Variants in SENP7 observed in about 807,000 individuals in gnomAD.
SENP7 encodes SUMO specific peptidase 7, also known as sentrin-specific protease 7.
SENP7 carries 64 observed loss-of-function variants against 141.2 expected under a neutral mutation model. The ratio of observed to expected loss-of-function variants is 0.45; its 90% confidence interval spans 0.37 to 0.56. The LOEUF (loss-of-function observed/expected upper bound fraction) is 0.56. SENP7 is among the 20% of genes least tolerant of loss of function. The probability of loss-of-function intolerance (pLI) is 0.00; values close to 1 mark genes in which losing one functional copy is unlikely to be tolerated. For synonymous variants in SENP7, 382 were observed against 426.4 expected (o/e 0.90, Z 1.28); for missense variants, 1,025 against 1,212.2 (o/e 0.85, Z 2.29).
intron 6 of SENP7, among the ~76,000 whole-genome samples, chr3:101,398,182 G>A (rs1050139634): frequency 7.9e-5 from 12 of 152,154 alleles, no homozygotes; most frequent in Non-Finnish European, 1.3e-4. Flanking sequence ...GGACAAGGCC[G>A]GGGGCAGTGG....
At chr3:101,409,654 T>C (rs2061399613) in intron 5 of SENP7, among the ~76,000 whole-genome samples, 1 of 152,126 alleles carries the variant, frequency 6.6e-6, no homozygotes, top group African/African-American at 2.4e-5. Context: ...AAGTGGATCT[T>C]TGACAAAGCA....
In SENP7 at chr3:101,381,843, G is replaced by T. The variant is rs77752430; in HGVS notation, c.678-9717C>A. Reference sequence around the variant, plus strand: ...ATAGAAGAGAAATTTTAAGTTAACAGGGGAAAATGATCTCAAAATAGAGTA... The same window carrying T: ...ATAGAAGAGAAATTTTAAGTTAACATGGGAAAATGATCTCAAAATAGAGTA... On this transcript the variant is annotated intron_variant, in intron 6 of 23. Transcript: ENST00000394095. 4.3e-4 allele frequency among the ~76,000 whole-genome samples: 66 copies of T among 152,250 alleles called. No individual in the cohort carries two copies. In the East Asian group the frequency reaches 0.011, roughly 26 times the overall value.
intron 4 of SENP7, among the ~76,000 whole-genome samples, chr3:101,430,040 C>T (rs2062104756): frequency 6.6e-6 from 1 of 152,164 alleles, no homozygotes; most frequent in Non-Finnish European, 1.5e-5. Context: ...ATGAAGCATA[C>T]TTGATCATGG....
At chr3:101,327,403 C>A (rs1392482193) in intron 23 of SENP7, among the ~76,000 whole-genome samples, 1 of 151,956 alleles carries the variant, frequency 6.6e-6, no homozygotes, top group Non-Finnish European at 1.5e-5. Context: ...AAGGGGCTTC[C>A]CCCTTCGCTC....
At chr3:101,492,109 T>C (rs1337771173) in intron 3 of SENP7, among the ~76,000 whole-genome samples, 1 of 146,104 alleles carries the variant, frequency 6.8e-6, no homozygotes, top group Non-Finnish European at 1.5e-5. Context: ...AAAAAAATGG[T>C]TAATAGAGCC....
chr3:101,386,741 C>T (rs1231839980), intron 6 of SENP7, among the ~76,000 whole-genome samples: 2 of 152,226 alleles, frequency 1.3e-5, no homozygotes, highest in East Asian at 1.9e-4. Context: ...AAAGCATGTT[C>T]TCCCAAAGTC....
intron 4 of SENP7, among the ~76,000 whole-genome samples, chr3:101,420,582 G>A (rs1396722571): frequency 6.6e-6 from 1 of 152,194 alleles, no homozygotes; most frequent in African/African-American, 2.4e-5. Context: ...TAATTGCAAA[G>A]AAGAAAAGGT....
intron 3 of SENP7, among the ~76,000 whole-genome samples, chr3:101,478,843 A>T (rs190029787): frequency 6.6e-6 from 1 of 152,298 alleles, no homozygotes; most frequent in East Asian, 1.9e-4. Context: ...CTTTAAAAAG[A>T]TAATACACCA....
chr3:101,472,880 G>A (rs1040978755), intron 3 of SENP7, among the ~76,000 whole-genome samples: 1 of 152,034 alleles, frequency 6.6e-6, no homozygotes, highest in Non-Finnish European at 1.5e-5. Context: ...GTACTCATTA[G>A]CTATTTTACC....
intron 5 of SENP7, among the ~76,000 whole-genome samples, chr3:101,407,184 T>C (rs541901822): frequency 6.6e-6 from 1 of 152,062 alleles, no homozygotes; most frequent in South Asian, 2.1e-4. Context: ...AAACAGCAGT[T>C]AGAAAAGACA....
intron 4 of SENP7, among the ~76,000 whole-genome samples, chr3:101,440,012 C>G (rs1360198635): frequency 4.7e-4 from 37 of 78,404 alleles, no homozygotes; most frequent in Admixed American, 1.5e-3. Flanking sequence ...CTCTGCCCGG[C>G]CGCCCCTACT....
chr3:101,327,096 C>A (rs1037807782), intron 23 of SENP7, among the ~76,000 whole-genome samples: 2 of 151,990 alleles, frequency 1.3e-5, no homozygotes, highest in African/African-American at 4.8e-5. Context: ...TCTTCTCTAA[C>A]CTATTAATCA....
chr3:101,497,983 T>A (rs1414932991), intron 2 of SENP7, among the ~76,000 whole-genome samples: 1 of 152,124 alleles, frequency 6.6e-6, no homozygotes, highest in East Asian at 1.9e-4. Flanking sequence ...TTTTTGTAGA[T>A]ATGGGGTCTC....
intron 4 of SENP7, among the ~76,000 whole-genome samples, chr3:101,441,037 A>G (rs1427705562): frequency 6.6e-6 from 1 of 152,132 alleles, no homozygotes; most frequent in African/African-American, 2.4e-5. Flanking sequence ...CACCACCACC[A>G]TCAGCACCCA....
intron 4 of SENP7, among the ~76,000 whole-genome samples, chr3:101,456,118 A>G (rs1014126321): frequency 6.6e-5 from 10 of 152,102 alleles, no homozygotes; most frequent in Admixed American, 3.9e-4. Context: ...TGTGAATTTG[A>G]ACTAATTATG....
At chr3:101,428,153 A>G (rs1416896133) in intron 4 of SENP7, among the ~76,000 whole-genome samples, 1 of 152,202 alleles carries the variant, frequency 6.6e-6, no homozygotes, top group Non-Finnish European at 1.5e-5. Flanking sequence ...GCTGCAATAA[A>G]CATACATGTG....
At position 101,341,782 on chromosome 3, in the gene SENP7, G is replaced by A; in HGVS notation, c.2107-3C>T. The A allele has an allele frequency of 1.3e-6, 2 of 1,582,520 alleles. No individual in the cohort carries two copies. The highest frequency in any genetic ancestry group is 1.7e-6 in the Non-Finnish European group (2 of 1,156,282). On this transcript the variant is annotated splice_polypyrimidine_tract_variant and splice_region_variant and intron_variant, in intron 14 of 23. Transcript: ENST00000394095. ...TTGGCCGCATCTGTGTTTGAGGGCT[G>A]ACAGAAAGTGGCAAGAAAAAGGGTC...
intron 12 of SENP7, 126 bp from the exon 13 acceptor site, chr3:101,348,177 A>G: frequency 8.4e-6 from 5 of 593,814 alleles, no homozygotes; most frequent in Non-Finnish European, 1.3e-5. Context: ...AGTTTTTTCA[A>G]AAATATATTT....
chr3:101,496,563 CA>C (rs58837966), intron 2 of SENP7, among the ~76,000 whole-genome samples: 1,463 of 145,616 alleles, frequency 0.01, 28 homozygotes, highest in African/African-American at 0.035. Flanking sequence ...CACACCCAGC[CA>C]AACACTTCAA....
Sources: allele counts gnomAD v4.1 joint callset (sites outside exome capture counted in the v4.1 genomes callset), GRCh38; gene constraint gnomAD v4.1.1; transcripts MANE v1.5; gene names NCBI Gene and HGNC (gene_info 2026-07-23, HGNC 2026-07-21).